Variants in NUP133 observed in about 807,000 individuals in gnomAD.
NUP133 encodes the protein nuclear pore complex protein Nup133.
In NUP133, 66 loss-of-function variants were observed where a neutral mutation model predicts 146.2. The observed-to-expected ratio is 0.45, with a 90% CI of 0.37 to 0.55. The LOEUF (loss-of-function observed/expected upper bound fraction) is 0.55, where lower values mean the gene tolerates loss of function less well. Ranked by LOEUF, NUP133 falls within the 20% of genes least tolerant of loss-of-function variation. The probability of loss-of-function intolerance (pLI) is 0.00; values close to 1 mark genes in which losing one functional copy is unlikely to be tolerated. For missense variants in NUP133, 1,277 were observed against 1,374.8 expected (o/e 0.93, Z 1.12); for synonymous variants, 521 against 498.8 (o/e 1.04, Z -0.59).
chr1:229,447,751 G>A (rs917040381), intron 24 of NUP133, among the ~76,000 whole-genome samples: 2 of 152,168 alleles, frequency 1.3e-5, no homozygotes, highest in East Asian at 1.9e-4. Flanking sequence ...GGGCCAGAGA[G>A]GCTTTGGAAG....
At chr1:229,450,041 C>G (rs1434963000) in intron 23 of NUP133, among the ~76,000 whole-genome samples, 6 of 148,374 alleles carry the variant, frequency 4.0e-5, no homozygotes. Context: ...CCATACCCAT[C>G]TAATTTTTTT....
At chr1:229,484,607 C>T (rs1661301333) in intron 11 of NUP133, among the ~76,000 whole-genome samples, 1 of 152,106 alleles carries the variant, frequency 6.6e-6, no homozygotes, top group South Asian at 2.1e-4. Flanking sequence ...TTGGACATTT[C>T]ATCATAATTA....
chr1:229,460,836 A>G lies in NUP133; in HGVS notation c.2686-67T>C, dbSNP rs1010298229. On this transcript the variant is annotated intron_variant, in intron 19 of 25. Coordinates refer to ENST00000261396, the MANE Select transcript of NUP133 (RefSeq NM_018230.3). ...AAAAACACATTTCTGATAACAAAACATAACTTTGTTCTAAAGGCCTCCAAA... is the reference window on the plus strand; with the variant it reads ...AAAAACACATTTCTGATAACAAAACGTAACTTTGTTCTAAAGGCCTCCAAA... 2.1e-6 allele frequency: 3 copies of G among 1,418,150 alleles called. No homozygotes were observed. In the African/African-American group the frequency reaches 4.3e-5, roughly 20 times the overall value. The allele number at this position is 1,418,150 out of a possible 1,614,324, so 87.8% of individuals were successfully genotyped here.
chr1:229,495,842 T>C (rs1019408830), intron 7 of NUP133, 50 bp downstream of exon 7: 4 of 1,424,674 alleles, frequency 2.8e-6, no homozygotes, highest in Non-Finnish European at 3.8e-6. Flanking sequence ...ACCAGCATTA[T>C]CATACAACCA....
In NUP133 at chr1:229,470,742, C is replaced by G. The variant is rs947859119; in HGVS notation, c.1914G>C (p.Leu638=). The G allele has an allele frequency of 1.9e-6, 3 of 1,614,224 alleles. No individual in the cohort carries two copies. Among genetic ancestry groups the G allele is most frequent in the Non-Finnish European group, 2.5e-6 (3 of 1,180,046 alleles). Residue 638 remains leucine (L), a synonymous_variant, in exon 15 of 26, where the codon CTG becomes CTC. Coordinates refer to ENST00000261396, the MANE Select transcript of NUP133 (RefSeq NM_018230.3). The part of the protein sequence containing the change: ...PVRGTPMATR[L]LLCEHAEKLS... ...GCTTTTCGGCATGCTCACAGAGCAA[C>G]AGTCGAGTGGCCATCGGTGTCCCTC... is the stretch of plus-strand genomic sequence containing the variant.
chr1:229,485,010 G>A (rs1000558139), intron 11 of NUP133, among the ~76,000 whole-genome samples: 2 of 151,972 alleles, frequency 1.3e-5, no homozygotes, highest in Non-Finnish European at 2.9e-5. Context: ...CTATTCAAAT[G>A]GAAATTACCC....
chr1:229,450,483 T>G (rs369777189), intron 23 of NUP133, 42 bp downstream of exon 23: 25 of 996,774 alleles, frequency 2.5e-5, no homozygotes, highest in Non-Finnish European at 2.4e-5. Context: ...TTTTTATATA[T>G]GTATTCAGTT....
At position 229,470,602 on chromosome 1, in the gene NUP133, G is replaced by C. The variant is rs372894578; in HGVS notation, c.2054C>G (p.Pro685Arg). Residue 685 changes from proline to arginine, a missense_variant, in exon 15 of 26, where the codon CCT (proline) becomes CGT (arginine). This residue lies in a region of NUP133 where 952 missense variants were observed against 1,047.0 expected (regional missense o/e 0.91). Coordinates refer to ENST00000261396, the MANE Select transcript of NUP133 (RefSeq NM_018230.3). ...TACCTCCCTGAAAAAGACATCTGCAGGAGTCAGGTTGGATGGGATTTCATA... is the reference window on the plus strand; with the variant it reads ...TACCTCCCTGAAAAAGACATCTGCACGAGTCAGGTTGGATGGGATTTCATA... Reference protein sequence around the residue: ...REYEIPSNLTPADVFFREVSQ... With the variant: ...REYEIPSNLTRADVFFREVSQ... 5.6e-6 allele frequency: 9 copies of C among 1,614,026 alleles called. No homozygotes were observed. The African/African-American group carries it at 1.2e-4, about 22-fold the overall frequency.
chr1:229,450,632 G>T, intron 22 of NUP133, 27 bp from the exon 23 acceptor site: 1 of 1,188,476 alleles, frequency 8.4e-7, no homozygotes, highest in Non-Finnish European at 1.2e-6. Flanking sequence ...TAAGGTAGAA[G>T]ATTATACAAT....
At chr1:229,457,569 T>C (rs1480621743) in intron 21 of NUP133, among the ~76,000 whole-genome samples, 2 of 152,220 alleles carry the variant, frequency 1.3e-5, no homozygotes, top group African/African-American at 2.4e-5. Flanking sequence ...TATACTGTAT[T>C]GGTTTTTTAA....
chr1:229,475,526 A>G (rs1440707527), intron 14 of NUP133, 112 bp downstream of exon 14: 1 of 698,270 alleles, frequency 1.4e-6, no homozygotes, highest in African/African-American at 1.8e-5. Flanking sequence ...AATGGAAAAC[A>G]CCAGTCATGC....
intron 3 of NUP133, among the ~76,000 whole-genome samples, chr1:229,501,668 GCAAACT>G (rs1429568090): frequency 6.6e-6 from 1 of 152,130 alleles, no homozygotes; most frequent in African/African-American, 2.4e-5. Context: ...TCAGAAATAC[GCAAACT>G]CAAAGTTCAT....
intron 17 of NUP133, 60 bp downstream of exon 17, chr1:229,465,360 T>G (rs1660788527): frequency 3.0e-6 from 4 of 1,355,676 alleles, no homozygotes; most frequent in Non-Finnish European, 3.1e-6. Flanking sequence ...ACACAACTTC[T>G]AAAAATGATG....
At chr1:229,460,431 C>A (rs1290822334) in intron 20 of NUP133, among the ~76,000 whole-genome samples, 180 bp downstream of exon 20, 1 of 152,212 alleles carries the variant, frequency 6.6e-6, no homozygotes, top group Non-Finnish European at 1.5e-5. Context: ...CCTGCCTCAG[C>A]CTCCCAAAGT....
Position 229,441,750 on chromosome 1 carries a change from A to G in NUP133, c.*154T>C. ...AACTGAAAACCAAAATCACAGTTAC[A>G]TAACTATTTTATATTAGCTTCCTAC... On this transcript the variant is annotated 3_prime_UTR_variant, in exon 26 of 26. Coordinates refer to ENST00000261396, the MANE Select transcript of NUP133 (RefSeq NM_018230.3). 1 of 626,092 alleles carries G rather than the reference A, an allele frequency of 1.6e-6. No individual in the cohort carries two copies. Among genetic ancestry groups the G allele is most frequent in the Non-Finnish European group, 2.6e-6 (1 of 377,424 alleles). 38.8% of individuals were successfully genotyped at this position (626,092 alleles called of 1,614,324 possible).
At chr1:229,506,237 C>A in intron 1 of NUP133, 79 bp from the exon 2 acceptor site, 2 of 720,230 alleles carry the variant, frequency 2.8e-6, no homozygotes, top group South Asian at 2.3e-5. Flanking sequence ...TATATTTTCA[C>A]AGTAAGGAGT....
chr1:229,443,919 A>T (rs112293528), intron 25 of NUP133, among the ~76,000 whole-genome samples: 3,619 of 84,212 alleles, frequency 0.043, 128 homozygotes, highest in African/African-American at 0.19. Context: ...TTTTTTTTTT[A>T]AAATAGGGAC....
chr1:229,488,053 C>A (rs1486259151), intron 9 of NUP133, among the ~76,000 whole-genome samples: 2 of 151,902 alleles, frequency 1.3e-5, no homozygotes, highest in East Asian at 3.9e-4. Context: ...ACCATGTTGG[C>A]CAGGCTGGTC....
chr1:229,453,160 C>A (rs1164179900), intron 21 of NUP133, among the ~76,000 whole-genome samples: 1 of 152,148 alleles, frequency 6.6e-6, no homozygotes, highest in Non-Finnish European at 1.5e-5. Context: ...AACTCTTGGG[C>A]TTGAGTGATC....
Sources: allele counts gnomAD v4.1 joint callset (sites outside exome capture counted in the v4.1 genomes callset), GRCh38; gene constraint gnomAD v4.1.1; regional missense constraint gnomAD v4.1.1; transcripts MANE v1.5; gene names NCBI Gene and HGNC (gene_info 2026-07-23, HGNC 2026-07-21).